The following RNF130 variants were observed in gnomAD, a reference collection of about 807,000 sequenced individuals.
RNF130 encodes the protein E3 ubiquitin-protein ligase RNF130.
Under a neutral mutation model 44.6 loss-of-function variants are expected in RNF130, and 21 were observed. The ratio of observed to expected loss-of-function variants is 0.47; its 90% confidence interval spans 0.33 to 0.68. RNF130 has a LOEUF of 0.68. Among genes scored for constraint, RNF130 ranks in the 30% least tolerant of loss-of-function variants. The probability of loss-of-function intolerance (pLI) is 0.02; values close to 1 mark genes in which losing one functional copy is unlikely to be tolerated. For missense variants in RNF130, 479 were observed against 560.6 expected (o/e 0.85, Z 1.47); for synonymous variants, 214 against 210.4 (o/e 1.02, Z -0.15).
chr5:180,055,281 CAAAAA>C (rs869087305), intron 1 of RNF130, among the ~76,000 whole-genome samples: 8 of 45,656 alleles, frequency 1.8e-4, no homozygotes, highest in South Asian at 1.6e-3. Flanking sequence ...AAAAAAAAAA[CAAAAA>C]AAAACAGCAA....
At chr5:180,006,713 T>G (rs529942952) in intron 3 of RNF130, among the ~76,000 whole-genome samples, 3 of 152,372 alleles carry the variant, frequency 2.0e-5, no homozygotes, top group Non-Finnish European at 1.5e-5. Context: ...TTGACCACTT[T>G]GAAATTAAAG....
chr5:180,020,968 T>C (rs1470499923), intron 2 of RNF130, among the ~76,000 whole-genome samples: 1 of 152,100 alleles, frequency 6.6e-6, no homozygotes, highest in African/African-American at 2.4e-5. Flanking sequence ...TCTTAGGTCT[T>C]CCTTCCTTAA....
At chr5:179,978,167 A>G (rs1344027349) in intron 5 of RNF130, 36 bp downstream of exon 5, 2 of 1,538,160 alleles carry the variant, frequency 1.3e-6, no homozygotes, top group Non-Finnish European at 9.0e-7. Context: ...AAGCACATTA[A>G]TATCATTCTT....
At chr5:179,924,494 G>GGA (rs1554099575) in intron 7 of RNF130, among the ~76,000 whole-genome samples, 1 of 132,018 alleles carries the variant, frequency 7.6e-6, no homozygotes, top group African/African-American at 2.7e-5. Context: ...AACTCTGTCT[G>GGA]AAAAAAAAAA....
intron 7 of RNF130, among the ~76,000 whole-genome samples, chr5:179,928,397 G>A (rs115207335): frequency 2.6e-3 from 401 of 151,836 alleles, no homozygotes; most frequent in Non-Finnish European, 3.2e-3. Context: ...GTGTATACAC[G>A]GCATTTCACT....
chr5:180,021,033 G>A (rs1020330003), intron 2 of RNF130, among the ~76,000 whole-genome samples: 17 of 58,928 alleles, frequency 2.9e-4, no homozygotes, highest in African/African-American at 1.1e-3. Context: ...CCAGGCTGGA[G>A]TGCAGTGGCG....
At position 179,972,647 on chromosome 5, in the gene RNF130, G is replaced by A. The variant is rs141852392; in HGVS notation, c.849-2141C>T. ...CTGTTGGTGGGGACCTGGTAAAGCCGCAGCACCACCTGGGGGGATGGAGGT... is the reference window on the plus strand; with the variant it reads ...CTGTTGGTGGGGACCTGGTAAAGCCACAGCACCACCTGGGGGGATGGAGGT... On this transcript the variant is annotated intron_variant, in intron 5 of 8. Transcript: ENST00000521389. Among the ~76,000 whole-genome samples, 45 of 152,108 alleles carry A rather than the reference G, an allele frequency of 3.0e-4. 1 individual carries two copies. The East Asian group carries it at 7.8e-3, about 26-fold the overall frequency.
chr5:179,958,486 G>A (rs566260371), intron 8 of RNF130, among the ~76,000 whole-genome samples: 7 of 152,174 alleles, frequency 4.6e-5, no homozygotes, highest in East Asian at 1.9e-4. Flanking sequence ...AGCTCTCCTC[G>A]GCCTCTGATC....
chr5:179,968,274 G>C (rs772290958), intron 6 of RNF130, among the ~76,000 whole-genome samples: 31 of 152,146 alleles, frequency 2.0e-4, no homozygotes, highest in Middle Eastern at 3.4e-3. Flanking sequence ...CAGCCTGGGC[G>C]ACAGAGCAAG....
chr5:180,055,570 T>C (rs1192547901), intron 1 of RNF130, among the ~76,000 whole-genome samples: 1 of 152,126 alleles, frequency 6.6e-6, no homozygotes, highest in Admixed American at 6.5e-5. Flanking sequence ...ACAGGGATGG[T>C]AGTGACTCTC....
chr5:180,055,042 G>A (rs895519804), intron 1 of RNF130, among the ~76,000 whole-genome samples: 39 of 151,788 alleles, frequency 2.6e-4, no homozygotes, highest in African/African-American at 9.2e-4. Flanking sequence ...CTGGTTATTG[G>A]TAACAAGAAA....
downstream of RNF130, among the ~76,000 whole-genome samples, chr5:179,952,426 T>G (rs533568917): frequency 2.0e-5 from 3 of 152,068 alleles, no homozygotes; most frequent in African/African-American, 7.2e-5. Context: ...TCCAAATATC[T>G]AAAGAATTAA....
At chr5:179,991,479 T>C (rs1763080559) in intron 3 of RNF130, among the ~76,000 whole-genome samples, 1 of 152,246 alleles carries the variant, frequency 6.6e-6, no homozygotes, top group South Asian at 2.1e-4. Flanking sequence ...GAAACACCAA[T>C]GATTCAGTTT....
intron 3 of RNF130, among the ~76,000 whole-genome samples, chr5:180,000,515 C>T (rs1763307846): frequency 6.6e-6 from 1 of 152,214 alleles, no homozygotes; most frequent in African/African-American, 2.4e-5. Context: ...TTCTGGAACA[C>T]CCATAATACA....
At chr5:179,962,393 T>C (rs185788722) in intron 8 of RNF130, among the ~76,000 whole-genome samples, 32 of 152,302 alleles carry the variant, frequency 2.1e-4, no homozygotes, top group Non-Finnish European at 2.8e-4. Flanking sequence ...AGCCAGACAA[T>C]GGGCAGTCAA....
In RNF130 at chr5:179,988,251, G is replaced by A. The variant is rs767329139; in HGVS notation, c.694-8051C>T. On this transcript the variant is annotated intron_variant, in intron 3 of 8. Transcript: ENST00000521389. ...GTATAATTCTTCACAAACCTCTAATGATCCTTTGTATTTTGTTGGTTTCAG... is the reference window on the plus strand; with the variant it reads ...GTATAATTCTTCACAAACCTCTAATAATCCTTTGTATTTTGTTGGTTTCAG... Among the ~76,000 whole-genome samples, 62 of 152,232 alleles carry A rather than the reference G, an allele frequency of 4.1e-4. 1 individual carries two copies. Among genetic ancestry groups the A allele is most frequent in the Non-Finnish European group, 1.6e-4 (11 of 68,018 alleles).
intron 8 of RNF130, among the ~76,000 whole-genome samples, chr5:179,957,433 C>G (rs2113694448): frequency 6.6e-6 from 1 of 152,184 alleles, no homozygotes; most frequent in East Asian, 1.9e-4. Flanking sequence ...TAAAATAAAG[C>G]AAAATAATAA....
chr5:179,958,104 C>G (rs1013744073), intron 8 of RNF130, among the ~76,000 whole-genome samples: 1 of 152,088 alleles, frequency 6.6e-6, no homozygotes, highest in African/African-American at 2.4e-5. Flanking sequence ...GTCTCGATCT[C>G]CTGACCTCGT....
chr5:180,028,448 T>C (rs1476372520), intron 2 of RNF130, among the ~76,000 whole-genome samples: 1 of 152,178 alleles, frequency 6.6e-6, no homozygotes, highest in African/African-American at 2.4e-5. Flanking sequence ...TTTTGATTCA[T>C]GTGGTTCGTC....
Sources: allele counts gnomAD v4.1 joint callset (sites outside exome capture counted in the v4.1 genomes callset), GRCh38; gene constraint gnomAD v4.1.1; transcripts MANE v1.5; gene names NCBI Gene and HGNC (gene_info 2026-07-23, HGNC 2026-07-21).